Variants in MYRIP observed in about 807,000 individuals in gnomAD.
MYRIP encodes myosin VIIA and Rab interacting protein.
MYRIP carries 49 observed loss-of-function variants against 98.0 expected under a neutral mutation model. The observed-to-expected ratio is 0.50, with a 90% CI of 0.40 to 0.63. The LOEUF is 0.63. Among genes scored for constraint, MYRIP ranks in the 30% least tolerant of loss-of-function variants. The pLI, the probability that MYRIP is intolerant of heterozygous loss-of-function variation, is 0.00. For synonymous variants in MYRIP, 404 were observed against 409.5 expected, an observed-to-expected ratio of 0.99 and a Z score of 0.16; for missense variants, 1,004 against 1,058.2, an observed-to-expected ratio of 0.95 and a Z score of 0.71.
intron 4 of MYRIP, among the ~76,000 whole-genome samples, chr3:40,151,447 T>G (rs1007356962): frequency 6.6e-6 from 1 of 152,218 alleles, no homozygotes; most frequent in Non-Finnish European, 1.5e-5. Flanking sequence ...ATTGTGATTA[T>G]TTTAATCTCA....
At chr3:40,010,974 TAAAA>T (rs908907861) in intron 2 of MYRIP, among the ~76,000 whole-genome samples, 1 of 151,870 alleles carries the variant, frequency 6.6e-6, no homozygotes. Flanking sequence ...CTCTTTTACA[TAAAA>T]AAAATCAGCA....
intron 2 of MYRIP, among the ~76,000 whole-genome samples, chr3:39,961,982 C>T (rs193007191): frequency 6.6e-6 from 1 of 152,186 alleles, no homozygotes; most frequent in Admixed American, 6.6e-5. Flanking sequence ...GTTTCATGAA[C>T]AAAAGATGAA....
intron 2 of MYRIP, among the ~76,000 whole-genome samples, chr3:39,901,169 A>T (rs115654142): frequency 0.011 from 1,623 of 152,356 alleles, 20 homozygotes; most frequent in African/African-American, 0.037. Context: ...TACTAGCTAT[A>T]GAATGAGTGG....
intron 11 of MYRIP, among the ~76,000 whole-genome samples, chr3:40,219,496 C>T (rs1447311183): frequency 1.3e-5 from 2 of 152,098 alleles, no homozygotes; most frequent in Non-Finnish European, 2.9e-5. Flanking sequence ...TCCCCCACCC[C>T]ACAACAGTCC....
At chr3:40,092,320 C>T (rs1948748387) in intron 3 of MYRIP, among the ~76,000 whole-genome samples, 1 of 152,146 alleles carries the variant, frequency 6.6e-6, no homozygotes, top group African/African-American at 2.4e-5. Context: ...TTCCTGGGCT[C>T]CCTCCCTTTT....
At chr3:40,155,512 T>C (rs1410750976) in intron 4 of MYRIP, among the ~76,000 whole-genome samples, 1 of 152,160 alleles carries the variant, frequency 6.6e-6, no homozygotes, top group Non-Finnish European at 1.5e-5. Flanking sequence ...TACCCAGTAA[T>C]GGGATGGCTG....
intron 3 of MYRIP, among the ~76,000 whole-genome samples, chr3:40,084,710 ATG>A (rs1216253170): frequency 1.3e-5 from 2 of 148,418 alleles, no homozygotes; most frequent in African/African-American, 2.5e-5. Context: ...GATAGATAAT[ATG>A]TATCTATGTA....
intron 2 of MYRIP, among the ~76,000 whole-genome samples, chr3:39,947,009 A>G (rs1036728753): frequency 6.6e-6 from 1 of 152,220 alleles, no homozygotes; most frequent in African/African-American, 2.4e-5. Context: ...TTTTAATTTA[A>G]AAAGGAATAA....
At chr3:39,995,632 A>G (rs1437869714) in intron 2 of MYRIP, among the ~76,000 whole-genome samples, 2 of 152,236 alleles carry the variant, frequency 1.3e-5, no homozygotes, top group Non-Finnish European at 2.9e-5. Flanking sequence ...ATACAGAAGA[A>G]CTTCCCCAAT....
chr3:40,016,350 C>G (rs537825181), intron 2 of MYRIP, among the ~76,000 whole-genome samples: 1 of 152,140 alleles, frequency 6.6e-6, no homozygotes, highest in African/African-American at 2.4e-5. Flanking sequence ...GAGTGTGGGG[C>G]AGCTGCGAGC....
chr3:39,907,375 G>T (rs1280674771), intron 2 of MYRIP, among the ~76,000 whole-genome samples: 2 of 152,196 alleles, frequency 1.3e-5, no homozygotes, highest in Admixed American at 1.3e-4. Context: ...AGTGCCTTCT[G>T]CAGTTAGATT....
At chr3:40,157,198 G>A (rs1478208385) in intron 4 of MYRIP, among the ~76,000 whole-genome samples, 1 of 148,884 alleles carries the variant, frequency 6.7e-6, no homozygotes, top group African/African-American at 2.5e-5. Flanking sequence ...AGAGTTTTTA[G>A]CATGAAGCGT....
chr3:40,046,983 G>A (rs1039374486), intron 3 of MYRIP, among the ~76,000 whole-genome samples: 2 of 152,168 alleles, frequency 1.3e-5, no homozygotes, highest in Non-Finnish European at 2.9e-5. Context: ...TGAGTTGTAT[G>A]CAGGCATCTA....
intron 3 of MYRIP, among the ~76,000 whole-genome samples, chr3:40,126,647 C>A (rs1008303184): frequency 6.6e-6 from 1 of 152,184 alleles, no homozygotes; most frequent in Admixed American, 6.5e-5. Flanking sequence ...AAATACATAA[C>A]CTACAACCAA....
At chr3:40,078,168 G>T (rs952273558) in intron 3 of MYRIP, among the ~76,000 whole-genome samples, 2 of 152,234 alleles carry the variant, frequency 1.3e-5, no homozygotes, top group African/African-American at 4.8e-5. Context: ...CCGCTGGCCC[G>T]GGTGCTAAGC....
chr3:39,928,080 A>T (rs1944457353), intron 2 of MYRIP, among the ~76,000 whole-genome samples: 1 of 151,988 alleles, frequency 6.6e-6, no homozygotes, highest in Admixed American at 6.6e-5. Context: ...AACTTAGATG[A>T]ACTTAGAGAA....
At chr3:39,933,481 C>T (rs978490198) in intron 2 of MYRIP, among the ~76,000 whole-genome samples, 2 of 152,122 alleles carry the variant, frequency 1.3e-5, no homozygotes, top group African/African-American at 4.8e-5. Flanking sequence ...CTGGAAAATC[C>T]CTCATCATAT....
intron 3 of MYRIP, among the ~76,000 whole-genome samples, chr3:40,044,749 A>G (rs769322045): frequency 6.6e-6 from 1 of 152,180 alleles, no homozygotes; most frequent in Non-Finnish European, 1.5e-5. Flanking sequence ...TCTATTGGCT[A>G]TGAGGGCACT....
intron 2 of MYRIP, among the ~76,000 whole-genome samples, chr3:39,928,521 C>T (rs114028275): frequency 7.5e-4 from 113 of 151,584 alleles, no homozygotes; most frequent in African/African-American, 1.9e-3. Flanking sequence ...AAAGCTGGTT[C>T]AGTTTTAAAA....
Sources: allele counts gnomAD v4.1 joint callset (sites outside exome capture counted in the v4.1 genomes callset), GRCh38; gene constraint gnomAD v4.1.1; transcripts MANE v1.5; gene names NCBI Gene and HGNC (gene_info 2026-07-23, HGNC 2026-07-21).